TTLL6: variants seen among roughly 807,000 people sequenced by gnomAD.
The protein encoded by TTLL6 is tubulin tyrosine ligase like 6.
Under a neutral mutation model 96.4 loss-of-function variants are expected in TTLL6, and 75 were observed. The observed-to-expected ratio is 0.78, with a 90% CI of 0.65 to 0.94. The LOEUF (loss-of-function observed/expected upper bound fraction) is 0.94, where lower values mean the gene tolerates loss of function less well. TTLL6 is among the 40% of genes least tolerant of loss of function. The pLI, the probability that TTLL6 is intolerant of heterozygous loss-of-function variation, is 0.00. For synonymous variants in TTLL6, 411 were observed against 419.4 expected (o/e 0.98, Z 0.24); for missense variants, 1,030 against 1,093.0 (o/e 0.94, Z 0.81).
At chr17:48,766,018 TA>T (rs1410032581) in intron 15 of TTLL6, among the ~76,000 whole-genome samples, 1 of 152,196 alleles carries the variant, frequency 6.6e-6, no homozygotes, top group Non-Finnish European at 1.5e-5. Context: ...CCTGTCTGCC[TA>T]AAAAATACCA....
intron 2 of TTLL6, 22 bp downstream of exon 2, chr17:48,804,750 T>C: frequency 1.3e-6 from 2 of 1,547,898 alleles, no homozygotes; most frequent in Non-Finnish European, 1.7e-6. Flanking sequence ...TGGCTCCCCA[T>C]TCCCCAGCTT....
At chr17:48,795,689 G>A (rs2039304557) in intron 8 of TTLL6, among the ~76,000 whole-genome samples, 1 of 152,306 alleles carries the variant, frequency 6.6e-6, no homozygotes, top group South Asian at 2.1e-4. Context: ...AGCAATGACT[G>A]CCTGGCAAGT....
intron 8 of TTLL6, among the ~76,000 whole-genome samples, chr17:48,792,081 G>A (rs539850141): frequency 3.9e-5 from 6 of 152,248 alleles, no homozygotes; most frequent in African/African-American, 1.4e-4. Flanking sequence ...TTGTTTTAGG[G>A]CTGCCCACAA....
intron 13 of TTLL6, among the ~76,000 whole-genome samples, chr17:48,772,601 C>T (rs940428634): frequency 1.3e-5 from 2 of 151,434 alleles, no homozygotes; most frequent in Non-Finnish European, 2.9e-5. Flanking sequence ...TGTGGTGGCA[C>T]GCGCCTGTAG....
chr17:48,792,621 G>A (rs764099357), intron 8 of TTLL6, among the ~76,000 whole-genome samples: 4 of 152,134 alleles, frequency 2.6e-5, no homozygotes, highest in Admixed American at 6.5e-5. Flanking sequence ...ATGCAAGGAG[G>A]GGACACTAGA....
chr17:48,780,284 G>T (rs1030872794), intron 13 of TTLL6, among the ~76,000 whole-genome samples: 3 of 151,962 alleles, frequency 2.0e-5, no homozygotes, highest in African/African-American at 7.3e-5. Flanking sequence ...GACCTCAAAT[G>T]ATCTGCCCAC....
chr17:48,768,847 C>G (rs1261097149), intron 15 of TTLL6, 142 bp downstream of exon 15: 19 of 949,244 alleles, frequency 2.0e-5, no homozygotes, highest in Non-Finnish European at 2.9e-5. Flanking sequence ...CAGCCAGGGT[C>G]ACATTTTTAC....
rs780013733 is a variant in TTLL6, at chr17:48,791,528, G to A, written c.1074C>T (p.Asp358=). ...NVEQIWRDIE[D]VIIKTLISAH... ...CCGAGATGAGGGTCTTGATGATGAC[G>A]TCCTCAATATCCCTCCATATCTGCT... The change falls in exon 9 of 16, where the codon GAC becomes GAT. Residue 358 remains aspartate, a synonymous_variant. Coordinates refer to ENST00000393382, the MANE Select transcript of TTLL6 (RefSeq NM_001130918.3). 1.2e-5 allele frequency: 19 copies of A among 1,614,140 alleles called. No homozygotes were observed. The highest frequency in any genetic ancestry group is 9.9e-5 in the South Asian group (9 of 91,068).
At position 48,810,153 on chromosome 17, in the gene TTLL6, A is replaced by AG. The variant is rs1405681975; in HGVS notation, c.104-5163_104-5162insC. Among the ~76,000 whole-genome samples the AG allele has an allele frequency of 9.8e-4, 149 of 151,930 alleles. 1 individual carries two copies. Among genetic ancestry groups the AG allele is most frequent in the African/African-American group, 3.5e-3 (144 of 41,470 alleles). ...AAACTCTGTCTCAAAAAAAAAAAAA[A>AG]AAAAAGGAAAAGAAAAGAAAAAAAA... On this transcript the variant is annotated intron_variant, in intron 1 of 15. Coordinates refer to ENST00000393382, the MANE Select transcript of TTLL6 (RefSeq NM_001130918.3).
rs761455568 is a variant in TTLL6, at chr17:48,790,082, T to C, written c.1249A>G (p.Thr417Ala). The change falls in exon 10 of 16, where the codon ACC becomes GCC. Residue 417 changes from threonine to alanine, a missense_variant. Thr to Ala is a moderately conservative substitution (Grantham distance 58). Transcript: ENST00000393382. ...ACCTCTTTATCCAACCGAGAGTCGG[T>C]GGAGAAGCTTGGAGAGTGGTTGACC... ...LEVNHSPSFS[T>A]DSRLDKEVKD... 9 of 1,613,434 alleles carry C rather than the reference T, an allele frequency of 5.6e-6. No individual in the cohort carries two copies. Among genetic ancestry groups the C allele is most frequent in the African/African-American group, 2.7e-5 (2 of 74,786 alleles).
intron 1 of TTLL6, among the ~76,000 whole-genome samples, chr17:48,805,591 C>A (rs2039493512): frequency 6.6e-6 from 1 of 152,062 alleles, no homozygotes; most frequent in Admixed American, 6.6e-5. Flanking sequence ...AAAATAAAAA[C>A]AAGATCAAAT....
At chr17:48,800,609 G>A (rs2039392603) in intron 5 of TTLL6, among the ~76,000 whole-genome samples, 1 of 152,100 alleles carries the variant, frequency 6.6e-6, no homozygotes, top group South Asian at 2.1e-4. Flanking sequence ...GGGTGGAGAG[G>A]GGAGGGTAGA....
chr17:48,784,807 CA>C, intron 13 of TTLL6, 115 bp downstream of exon 13: 1 of 795,852 alleles, frequency 1.3e-6, no homozygotes, highest in Non-Finnish European at 2.0e-6. Flanking sequence ...GGGGAGACAC[CA>C]AGGCCCAGGG....
chr17:48,799,602 A>G lies in TTLL6; in HGVS notation c.768+2T>C. On this transcript the variant is annotated splice_donor_variant, in intron 6 of 15. Transcript: ENST00000393382. LOFTEE classifies it high-confidence loss of function. ...AAATAAATAATCACAATGAGGAAGTACCTTTGAAATATACAGCTGACAGAT... is the reference window on the plus strand; with the variant it reads ...AAATAAATAATCACAATGAGGAAGTGCCTTTGAAATATACAGCTGACAGAT... 2 of 1,551,566 alleles carry G rather than the reference A, an allele frequency of 1.3e-6. No individual in the cohort carries two copies. Among genetic ancestry groups the G allele is most frequent in the South Asian group, 1.2e-5 (1 of 84,014 alleles).
rs147531204 is a variant in TTLL6, at chr17:48,769,149, T to C, written c.2516A>G (p.Asn839Ser). The change falls in exon 15 of 16, where the codon AAT becomes AGT. Residue 839 changes from asparagine (N) to serine (S), a missense_variant. By Grantham distance (46) the Asn-to-Ser change is conservative (BLOSUM62 1). Coordinates refer to ENST00000393382, the MANE Select transcript of TTLL6 (RefSeq NM_001130918.3). ...CACCAGCAGGTCCCTCAGAGTAACA[T>C]TATAGCTCTGAGGACTCTGCAAGAG... ...SLLLQSPQSY[N>S]VTLRDLLVIA... 7 of 1,614,110 alleles carry C rather than the reference T, an allele frequency of 4.3e-6. No individual in the cohort carries two copies. In the Admixed American group the frequency reaches 6.7e-5, roughly 15 times the overall value.
At chr17:48,799,826 C>A in intron 5 of TTLL6, 66 bp from the exon 6 acceptor site, 1 of 1,414,580 alleles carries the variant, frequency 7.1e-7, no homozygotes, top group East Asian at 2.5e-5. Context: ...AAGGCTAGCC[C>A]TTTATGAAGA....
chr17:48,789,546 C>G (rs1252040242), intron 10 of TTLL6, among the ~76,000 whole-genome samples: 4 of 152,012 alleles, frequency 2.6e-5, no homozygotes, highest in Admixed American at 2.6e-4. Context: ...TGGAGGAAGA[C>G]AGACCATTCT....
rs977375938 is a variant in TTLL6 at position 48,801,549 on chromosome 17, C to T, written c.456G>A (p.Arg152=). The stretch of plus-strand genomic sequence containing the variant: ...CCTGGTAACTTTTCATTTCCATCAC[C>T]CGCTCCAGTGACACTGAGTAATCTG... ...YWTDYSVSLE[R]VMEMKSYQKI... The change falls in exon 4 of 16, where the codon CGG becomes CGA. Residue 152 remains arginine, a synonymous_variant. Coordinates refer to ENST00000393382, the MANE Select transcript of TTLL6 (RefSeq NM_001130918.3). 2.4e-5 allele frequency: 38 copies of T among 1,551,858 alleles called. No individual in the cohort carries two copies. The highest frequency in any genetic ancestry group is 3.3e-5 in the Non-Finnish European group (38 of 1,147,064).
At chr17:48,777,905 A>G (rs7209437) in intron 13 of TTLL6, among the ~76,000 whole-genome samples, 46,285 of 151,928 alleles carry the variant, frequency 0.3, 7,294 homozygotes, top group Admixed American at 0.41. Flanking sequence ...GTGAGACTCC[A>G]TCTCAAAAAA....
Sources: gnomAD v4.1 joint callset for allele counts (sites outside exome capture counted in the v4.1 genomes callset) on GRCh38, gnomAD v4.1.1 for gene constraint, MANE v1.5 for transcripts, NCBI Gene and HGNC (gene_info 2026-07-23, HGNC 2026-07-21) for gene names.